Variants in EML4 observed in about 807,000 individuals in gnomAD.
EML4 encodes EMAP like 4.
A neutral mutation model predicts 129.0 loss-of-function variants in EML4; 72 were observed. The ratio of observed to expected loss-of-function variants is 0.56; its 90% confidence interval spans 0.46 to 0.68. EML4 has a LOEUF of 0.68. EML4 is among the 30% of genes least tolerant of loss of function. EML4 has a pLI of 0.00. For synonymous variants in EML4, 532 were observed against 405.0 expected (o/e 1.31, Z -3.77); for missense variants, 1,363 against 1,190.6 (o/e 1.14, Z -2.13).
chr2:42,216,609 T>C (rs1014923400), intron 1 of EML4, among the ~76,000 whole-genome samples: 1 of 152,198 alleles, frequency 6.6e-6, no homozygotes, highest in Non-Finnish European at 1.5e-5. Context: ...CTCATTAATA[T>C]GTTACCTGTT....
At chr2:42,292,346 T>G (rs532488170) in intron 11 of EML4, among the ~76,000 whole-genome samples, 37 of 152,348 alleles carry the variant, frequency 2.4e-4, no homozygotes, top group Non-Finnish European at 5.0e-4. Flanking sequence ...CTGTTTATGG[T>G]AGCCAAAAAC....
chr2:42,258,816 C>T (rs768552734), intron 3 of EML4, among the ~76,000 whole-genome samples: 2 of 152,162 alleles, frequency 1.3e-5, no homozygotes, highest in Non-Finnish European at 2.9e-5. Context: ...TGTCACTTGA[C>T]ATTAAAATAT....
intron 19 of EML4, among the ~76,000 whole-genome samples, chr2:42,323,051 A>G (rs1268665987): frequency 6.6e-6 from 1 of 152,202 alleles, no homozygotes; most frequent in Admixed American, 6.5e-5. Context: ...TATTATGTAT[A>G]TATACAATGC....
chr2:42,308,268 G>C (rs1306917930), intron 17 of EML4, among the ~76,000 whole-genome samples: 3 of 152,180 alleles, frequency 2.0e-5, no homozygotes, highest in Non-Finnish European at 4.4e-5. Flanking sequence ...TTTGGGAGGA[G>C]GCCAAGGCAG....
intron 2 of EML4, among the ~76,000 whole-genome samples, chr2:42,245,979 T>C (rs1340949484): frequency 1.3e-5 from 2 of 152,356 alleles, no homozygotes; most frequent in South Asian, 2.1e-4. Flanking sequence ...AGGAACTGAA[T>C]CATCGTTTTG....
At chr2:42,249,788 A>G (rs1026893509) in intron 2 of EML4, among the ~76,000 whole-genome samples, 5 of 152,148 alleles carry the variant, frequency 3.3e-5, no homozygotes, top group Non-Finnish European at 7.4e-5. Context: ...TGACTGAGGT[A>G]GAAAATTTTC....
chr2:42,291,690 G>A (rs1279131324), intron 11 of EML4, among the ~76,000 whole-genome samples: 1 of 152,108 alleles, frequency 6.6e-6, no homozygotes, highest in African/African-American at 2.4e-5. Flanking sequence ...ACAGGTGTGA[G>A]CCACCACGCC....
intron 1 of EML4, among the ~76,000 whole-genome samples, chr2:42,180,600 T>G (rs1267958176): frequency 3.9e-5 from 6 of 152,166 alleles, no homozygotes; most frequent in African/African-American, 1.2e-4. Flanking sequence ...AGTGCCTGTC[T>G]TCTTTACACT....
intron 19 of EML4, among the ~76,000 whole-genome samples, chr2:42,321,823 C>T (rs1218138774): frequency 2.6e-5 from 4 of 152,152 alleles, no homozygotes; most frequent in African/African-American, 7.2e-5. Context: ...AGAAAAAATG[C>T]ATTCACAATA....
chr2:42,306,855 A>G lies in EML4; in HGVS notation c.1967+2304A>G, dbSNP rs1401534317. On this transcript the variant is annotated intron_variant, in intron 17 of 22. Transcript: ENST00000318522. ...AGAATGTAACATAGTGTTTATTAATATCGTGATTGCACAGACAGGAAACCA... is the reference window on the plus strand; with the variant it reads ...AGAATGTAACATAGTGTTTATTAATGTCGTGATTGCACAGACAGGAAACCA... Among the ~76,000 whole-genome samples, 7 of 152,146 alleles carry G rather than the reference A, an allele frequency of 4.6e-5. No individual in the cohort carries two copies. The South Asian group carries it at 1.2e-3, about 27-fold the overall frequency.
At chr2:42,199,744 G>C (rs918679598) in intron 1 of EML4, among the ~76,000 whole-genome samples, 2 of 152,124 alleles carry the variant, frequency 1.3e-5, no homozygotes, top group Admixed American at 6.5e-5. Context: ...TTGGAAAAGA[G>C]GGTAACCTTT....
chr2:42,310,590 C>T (rs763569011), intron 17 of EML4, among the ~76,000 whole-genome samples: 2 of 152,210 alleles, frequency 1.3e-5, no homozygotes, highest in Non-Finnish European at 2.9e-5. Flanking sequence ...AAGTGATCTG[C>T]TTGTCTCAGC....
At chr2:42,278,656 AG>A (rs1666801061) in intron 6 of EML4, among the ~76,000 whole-genome samples, 1 of 150,772 alleles carries the variant, frequency 6.6e-6, no homozygotes, top group Non-Finnish European at 1.5e-5. Context: ...AATATTGCCC[AG>A]GCATGGTGGT....
At chr2:42,263,362 T>A in intron 5 of EML4, 56 bp downstream of exon 5, 1 of 1,470,012 alleles carries the variant, frequency 6.8e-7, no homozygotes, top group Non-Finnish European at 9.3e-7. Flanking sequence ...TTGGCTATTA[T>A]GTTTGCATGT....
chr2:42,194,571 A>G (rs1042878589), intron 1 of EML4, among the ~76,000 whole-genome samples: 3 of 150,742 alleles, frequency 2.0e-5, no homozygotes, highest in African/African-American at 7.3e-5. Flanking sequence ...GCTGGAGTGC[A>G]GTAGCTCATG....
chr2:42,185,003 T>C (rs1671166305), intron 1 of EML4, among the ~76,000 whole-genome samples: 1 of 152,198 alleles, frequency 6.6e-6, no homozygotes, highest in South Asian at 2.1e-4. Flanking sequence ...TAACTTTTTG[T>C]TTTTATGTAA....
intron 22 of EML4, among the ~76,000 whole-genome samples, chr2:42,329,397 A>G (rs573927087): frequency 6.6e-6 from 1 of 152,392 alleles, no homozygotes; most frequent in South Asian, 2.1e-4. Context: ...CTACCAACAT[A>G]GTAAATGTTC....
At chr2:42,202,755 A>G (rs547702069) in intron 1 of EML4, among the ~76,000 whole-genome samples, 3 of 152,224 alleles carry the variant, frequency 2.0e-5, no homozygotes, top group Non-Finnish European at 2.9e-5. Flanking sequence ...GCCTTTCCCA[A>G]TCCATTGACT....
Position 42,295,265 on chromosome 2 carries a change from A to G in EML4, c.1353+6A>G, listed in dbSNP as rs754682666. 1 of 1,612,724 alleles carries G rather than the reference A, an allele frequency of 6.2e-7. No individual in the cohort carries two copies. The highest frequency in any genetic ancestry group is 1.1e-5 in the South Asian group (1 of 90,612). On this transcript the variant is annotated splice_donor_region_variant and intron_variant, in intron 12 of 22. Transcript: ENST00000318522. ...GAAAACAGGGAATTTTTGGGGTAAG[A>G]ATCAGATTGTTTTAATGTCATTAGG...
Sources: gnomAD v4.1 joint callset for allele counts (sites outside exome capture counted in the v4.1 genomes callset) on GRCh38, gnomAD v4.1.1 for gene constraint, MANE v1.5 for transcripts, NCBI Gene and HGNC (gene_info 2026-07-23, HGNC 2026-07-21) for gene names.